RUNX1: variants seen among roughly 807,000 people sequenced by gnomAD.
RUNX1 encodes runt-related transcription factor 1.
In RUNX1, 19 loss-of-function variants were observed where a neutral mutation model predicts 42.8. The ratio of observed to expected loss-of-function variants is 0.44; its 90% confidence interval spans 0.31 to 0.65. The LOEUF is 0.65. Among genes scored for constraint, RUNX1 ranks in the 30% least tolerant of loss-of-function variants. The pLI is 0.07. For missense variants in RUNX1, 528 were observed against 672.0 expected, an observed-to-expected ratio of 0.79 and a Z score of 2.37; for synonymous variants, 271 against 289.4, an observed-to-expected ratio of 0.94 and a Z score of 0.64.
intron 2 of RUNX1, among the ~76,000 whole-genome samples, chr21:34,893,846 G>C (rs1229196731): frequency 6.6e-6 from 1 of 151,212 alleles, no homozygotes; most frequent in African/African-American, 2.4e-5. Flanking sequence ...TGTTTAAATA[G>C]GCAGGAAAAC....
intron 2 of RUNX1, among the ~76,000 whole-genome samples, chr21:34,945,054 A>G (rs2058554447): frequency 6.6e-6 from 1 of 152,232 alleles, no homozygotes; most frequent in Non-Finnish European, 1.5e-5. Context: ...AAGTTATTTC[A>G]TGGAGAACAG....
chr21:34,854,843 G>T (rs147470738), intron 6 of RUNX1, among the ~76,000 whole-genome samples: 1 of 151,898 alleles, frequency 6.6e-6, no homozygotes, highest in Admixed American at 6.6e-5. Flanking sequence ...CTGTGAGGAG[G>T]GGGGCAGCTG....
chr21:34,996,062 T>G (rs1213150314), intron 2 of RUNX1, among the ~76,000 whole-genome samples: 2 of 152,182 alleles, frequency 1.3e-5, no homozygotes, highest in Non-Finnish European at 2.9e-5. Flanking sequence ...AACATTTACC[T>G]TTATATGTCT....
intron 7 of RUNX1, among the ~76,000 whole-genome samples, chr21:34,814,607 T>TA (rs2056800557): frequency 6.6e-6 from 1 of 152,194 alleles, no homozygotes; most frequent in Non-Finnish European, 1.5e-5. Flanking sequence ...ACCTCCAGAT[T>TA]AGACTGATGA....
intron 3 of RUNX1, chr21:34,889,717 TC>T (rs1569087788): frequency 3.4e-6 from 4 of 1,185,652 alleles, no homozygotes; most frequent in Admixed American, 4.2e-5. Flanking sequence ...CCTGCGCCGG[TC>T]CCCGCGGTGC....
At chr21:34,935,966 A>G (rs1369623167) in intron 2 of RUNX1, among the ~76,000 whole-genome samples, 2 of 152,228 alleles carry the variant, frequency 1.3e-5, no homozygotes, top group African/African-American at 2.4e-5. Flanking sequence ...ACATCTGCCA[A>G]TGTTTATACA....
intron 2 of RUNX1, among the ~76,000 whole-genome samples, chr21:34,922,315 T>A (rs916004346): frequency 2.0e-5 from 3 of 152,168 alleles, no homozygotes; most frequent in Non-Finnish European, 4.4e-5. Flanking sequence ...GAGAAATGCA[T>A]GCAATGTACC....
chr21:34,982,405 T>TGTGTGTGC (rs2058853415), intron 2 of RUNX1, among the ~76,000 whole-genome samples: 1 of 151,262 alleles, frequency 6.6e-6, no homozygotes, highest in East Asian at 1.9e-4. Flanking sequence ...GGGGTGTGTG[T>TGTGTGTGC]GTGTGTGTGT....
chr21:34,934,242 A>G (rs903036228), intron 2 of RUNX1, among the ~76,000 whole-genome samples: 1 of 152,054 alleles, frequency 6.6e-6, no homozygotes, highest in Non-Finnish European at 1.5e-5. Context: ...CAAAAAGCAT[A>G]TAAGCTTTTG....
intron 6 of RUNX1, among the ~76,000 whole-genome samples, chr21:34,856,079 T>C (rs887162347): frequency 1.3e-5 from 2 of 152,170 alleles, no homozygotes; most frequent in Non-Finnish European, 2.9e-5. Context: ...ACACTTTAAA[T>C]TCCCTTTGGC....
At chr21:35,002,422 ATTTATTAT>A (rs1183418209) in intron 2 of RUNX1, among the ~76,000 whole-genome samples, 52 of 142,492 alleles carry the variant, frequency 3.6e-4, no homozygotes, top group African/African-American at 7.8e-4. Flanking sequence ...TTATTTATTT[ATTTATTAT>A]TTATTTATTT....
At chr21:34,939,602 C>T (rs1203169253) in intron 2 of RUNX1, among the ~76,000 whole-genome samples, 2 of 152,110 alleles carry the variant, frequency 1.3e-5, no homozygotes, top group Non-Finnish European at 2.9e-5. Context: ...CACTTAGGCC[C>T]CAGGGAGGTT....
chr21:34,851,410 T>C (rs2057416654), intron 6 of RUNX1, among the ~76,000 whole-genome samples: 1 of 152,214 alleles, frequency 6.6e-6, no homozygotes, highest in Admixed American at 6.5e-5. Context: ...GATTATCTCG[T>C]CCCATTGCCT....
At chr21:34,793,734 C>T (rs1222160430) in intron 8 of RUNX1, among the ~76,000 whole-genome samples, 8 of 151,282 alleles carry the variant, frequency 5.3e-5, no homozygotes, top group East Asian at 1.9e-4. Context: ...GACAAAGTCT[C>T]GCTCTGTCAC....
chr21:35,007,991 C>T (rs2059097744), intron 2 of RUNX1, among the ~76,000 whole-genome samples: 1 of 152,090 alleles, frequency 6.6e-6, no homozygotes, highest in Non-Finnish European at 1.5e-5. Context: ...TGCCTCCTCC[C>T]ATCTACCCCA....
Position 34,816,843 on chromosome 21 carries a change from G to C in RUNX1, c.806-17381C>G, listed in dbSNP as rs2056833722. Among the ~76,000 whole-genome samples, 4 of 152,284 alleles carry C rather than the reference G, an allele frequency of 2.6e-5. No individual in the cohort carries two copies. In the South Asian group the frequency reaches 8.3e-4, roughly 32 times the overall value. Reference sequence around the variant, plus strand: ...CAGCCTCCCTCCTGTTCGTTGGCTTGACTTTTTGGTCATTTCAGAGCAAGA... The same window carrying C: ...CAGCCTCCCTCCTGTTCGTTGGCTTCACTTTTTGGTCATTTCAGAGCAAGA... On this transcript the variant is annotated intron_variant, in intron 7 of 8. Coordinates refer to ENST00000675419, the MANE Select transcript of RUNX1 (RefSeq NM_001754.5).
At chr21:34,922,734 G>A (rs2058363274) in intron 2 of RUNX1, among the ~76,000 whole-genome samples, 1 of 152,166 alleles carries the variant, frequency 6.6e-6, no homozygotes, top group African/African-American at 2.4e-5. Context: ...CTTCCTCATT[G>A]TCCTTCTGGT....
intron 2 of RUNX1, among the ~76,000 whole-genome samples, chr21:35,048,233 C>A (rs2059415013): frequency 6.6e-6 from 1 of 152,340 alleles, no homozygotes; most frequent in African/African-American, 2.4e-5. Flanking sequence ...CACAGCACAG[C>A]CCCATGCTGA....
intron 2 of RUNX1, among the ~76,000 whole-genome samples, chr21:35,025,311 A>G (rs2059227272): frequency 6.6e-6 from 1 of 152,226 alleles, no homozygotes; most frequent in South Asian, 2.1e-4. Context: ...TCATTCATCA[A>G]TCTGGCCTGG....
Sources: gnomAD v4.1 joint callset for allele counts (sites outside exome capture counted in the v4.1 genomes callset) on GRCh38, gnomAD v4.1.1 for gene constraint, MANE v1.5 for transcripts, NCBI Gene and HGNC (gene_info 2026-07-23, HGNC 2026-07-21) for gene names.